SBK1: variants seen among roughly 807,000 people sequenced by gnomAD.
The protein encoded by SBK1 is SH3 domain binding kinase 1, also known as serine/threonine-protein kinase SBK1.
Under a neutral mutation model 24.4 loss-of-function variants are expected in SBK1, and 11 were observed. The ratio of observed to expected loss-of-function variants is 0.45; its 90% CI spans 0.28 to 0.75. The LOEUF is 0.75. Ranked by LOEUF, SBK1 falls within the 30% of genes least tolerant of loss-of-function variation. SBK1 has a pLI of 0.12. For missense variants in SBK1, 467 were observed against 620.5 expected, an observed-to-expected ratio of 0.75 and a Z score of 2.63; for synonymous variants, 308 against 284.4, an observed-to-expected ratio of 1.08 and a Z score of -0.83.
chr16:28,292,146 G>C (rs1393785965), upstream of SBK1: 1 of 151,966 alleles, frequency 6.6e-6, no homozygotes, highest in Non-Finnish European at 1.5e-5. Context: ...GTCTGGGGCA[G>C]TCTCGTCCCG....
chr16:28,282,649 G>GAATGAATGAATGA (rs1344350437), intron 1 of SBK1, among the ~76,000 whole-genome samples: 11 of 6,428 alleles, frequency 1.7e-3, no homozygotes, highest in East Asian at 0.025. Context: ...TGAATGAATG[G>GAATGAATGAATGA]AGTGCCTTGG....
At chr16:28,302,776 C>A (rs2044687866) in intron 1 of SBK1, among the ~76,000 whole-genome samples, 1 of 152,188 alleles carries the variant, frequency 6.6e-6, no homozygotes. Flanking sequence ...GCCTTCTATA[C>A]TCCAGGCACA....
Position 28,280,171 on chromosome 16 carries a change from G to GTGTGTGTGTGTGTGTGTGTGTGTA in SBK1, c.257+20670_257+20671insGTGTGTGTGTGTGTGTGTGTGTAT, listed in dbSNP as rs1247488558. ...TATATGTGTGTGTGTGTGTGTGTGT[G>GTGTGTGTGTGTGTGTGTGTGTGTA]TATGTATATATACATATATATGTAC... On this transcript the variant is annotated intron_variant, in intron 1 of 3. Transcript: ENST00000671413. Among the ~76,000 whole-genome samples, 21 of 109,568 alleles carry GTGTGTGTGTGTGTGTGTGTGTGTA rather than the reference G, an allele frequency of 1.9e-4. 1 individual carries two copies. Among genetic ancestry groups the GTGTGTGTGTGTGTGTGTGTGTGTA allele is most frequent in the East Asian group, 5.2e-4 (2 of 3,828 alleles). 71.9% of individuals were successfully genotyped at this position (109,568 alleles called of 152,430 possible).
chr16:28,286,948 T>C (rs1306886846), intron 1 of SBK1: 1 of 150,540 alleles, frequency 6.6e-6, no homozygotes, highest in Non-Finnish European at 1.5e-5. Context: ...ATACAAAAAT[T>C]GCTGGGCGTG....
At chr16:28,260,492 G>A (rs1052245650) in intron 1 of SBK1, among the ~76,000 whole-genome samples, 2 of 152,248 alleles carry the variant, frequency 1.3e-5, no homozygotes, top group African/African-American at 4.8e-5. Flanking sequence ...GGGTAGGCAT[G>A]GGCCAAGCCA....
chr16:28,277,169 T>C (rs1180745823), intron 1 of SBK1, among the ~76,000 whole-genome samples: 1 of 151,732 alleles, frequency 6.6e-6, no homozygotes, highest in Admixed American at 6.6e-5. Flanking sequence ...GTCAGGGAGC[T>C]GAGAGGCTGC....
intron 1 of SBK1, among the ~76,000 whole-genome samples, chr16:28,310,128 C>T (rs902939468): frequency 1.3e-5 from 2 of 152,194 alleles, no homozygotes; most frequent in Non-Finnish European, 2.9e-5. Context: ...GGACCCCCAC[C>T]CACCCTCAGC....
chr16:28,305,217 C>T (rs1036708885), intron 1 of SBK1, among the ~76,000 whole-genome samples: 4 of 151,660 alleles, frequency 2.6e-5, no homozygotes, highest in African/African-American at 9.7e-5. Context: ...TTCTTTCTTT[C>T]TTTTCTTTTT....
At chr16:28,272,008 T>A (rs888162346) in intron 1 of SBK1, among the ~76,000 whole-genome samples, 15 of 152,230 alleles carry the variant, frequency 9.9e-5, no homozygotes, top group African/African-American at 3.6e-4. Flanking sequence ...CTAGTTTCGT[T>A]TTACTGTGGT....
chr16:28,292,131 G>C (rs1226952322), upstream of SBK1: 2 of 151,972 alleles, frequency 1.3e-5, no homozygotes, highest in Non-Finnish European at 1.5e-5. Context: ...GCACAGACCG[G>C]GACAGTCTGG....
intron 1 of SBK1, among the ~76,000 whole-genome samples, chr16:28,272,772 C>T (rs1290969587): frequency 2.0e-5 from 3 of 151,918 alleles, no homozygotes; most frequent in Admixed American, 6.6e-5. Flanking sequence ...CAGGCATGCC[C>T]CACCACGCCT....
At position 28,314,198 on chromosome 16, in the gene SBK1, C is replaced by G. The variant is rs769758656; in HGVS notation, c.-7-3187C>G. On this transcript the variant is annotated intron_variant, in intron 1 of 3. Coordinates refer to ENST00000341901, the MANE Select transcript of SBK1 (RefSeq NM_001024401.3). ...TTTAGATAGGGTCTCACTCTGTCATCCAGGCTGGAGTGCAGTGAAGTGATC... is the reference window on the plus strand; with the variant it reads ...TTTAGATAGGGTCTCACTCTGTCATGCAGGCTGGAGTGCAGTGAAGTGATC... Among the ~76,000 whole-genome samples, 3 of 151,896 alleles carry G rather than the reference C, an allele frequency of 2.0e-5. No individual in the cohort carries two copies. The South Asian group carries it at 6.3e-4, about 32-fold the overall frequency.
At chr16:28,280,115 CTATATA>C (rs1193408430) in intron 1 of SBK1, among the ~76,000 whole-genome samples, 1,068 of 29,454 alleles carry the variant, frequency 0.036, 57 homozygotes, top group African/African-American at 0.078. Context: ...TTGAAAAAAA[CTATATA>C]TATATATATA....
intron 1 of SBK1, among the ~76,000 whole-genome samples, chr16:28,315,630 G>A (rs895556017): frequency 7.9e-5 from 12 of 152,128 alleles, no homozygotes; most frequent in African/African-American, 2.2e-4. Flanking sequence ...ATGTGGTGGC[G>A]CATGCTTGCA....
intron 1 of SBK1, among the ~76,000 whole-genome samples, chr16:28,284,076 T>C (rs575188462): frequency 6.6e-6 from 1 of 152,108 alleles, no homozygotes; most frequent in African/African-American, 2.4e-5. Flanking sequence ...TCACCTCCCA[T>C]TGCCCACGGT....
intron 1 of SBK1, among the ~76,000 whole-genome samples, chr16:28,265,878 G>A (rs1433029582): frequency 1.3e-5 from 2 of 151,872 alleles, no homozygotes; most frequent in East Asian, 3.9e-4. Flanking sequence ...GGAGGCTAAG[G>A]CAGGAGAATA....
chr16:28,295,920 CTTTTTTTTT>C (rs923306681), intron 1 of SBK1, among the ~76,000 whole-genome samples: 1 of 108,016 alleles, frequency 9.3e-6, no homozygotes, highest in Non-Finnish European at 1.9e-5. Flanking sequence ...CCAGAAAAAT[CTTTTTTTTT>C]TTTTTTTTTT....
intron 1 of SBK1, among the ~76,000 whole-genome samples, chr16:28,263,570 G>T (rs991479847): frequency 6.6e-6 from 1 of 152,224 alleles, no homozygotes; most frequent in Non-Finnish European, 1.5e-5. Context: ...AAGAGGCAGG[G>T]CAGGAGGGAC....
chr16:28,280,171 G>GTGTGTGTGTGTGTGTGTGTGTA (rs1247488558), intron 1 of SBK1, among the ~76,000 whole-genome samples: 154 of 109,528 alleles, frequency 1.4e-3, no homozygotes, highest in East Asian at 2.4e-3. Context: ...GTGTGTGTGT[G>GTGTGTGTGTGTGTGTGTGTGTA]TATGTATATA....
Sources: allele counts gnomAD v4.1 joint callset (sites outside exome capture counted in the v4.1 genomes callset), GRCh38; gene constraint gnomAD v4.1.1; transcripts MANE v1.5; gene names NCBI Gene and HGNC (gene_info 2026-07-23, HGNC 2026-07-21).